The following EIF4G3 variants were observed in gnomAD, a reference collection of about 807,000 sequenced individuals.
EIF4G3 encodes the protein eIF-4-gamma 3.
Under a neutral mutation model 186.4 loss-of-function variants are expected in EIF4G3, and 34 were observed. The observed-to-expected ratio is 0.18, with a 90% CI of 0.14 to 0.24. The LOEUF is 0.24. Ranked by LOEUF, EIF4G3 falls within the 10% of genes least tolerant of loss-of-function variation. EIF4G3 has a pLI of 1.00. For missense variants in EIF4G3, 1,536 were observed against 1,948.5 expected (o/e 0.79, Z 3.99); for synonymous variants, 673 against 679.5 (o/e 0.99, Z 0.15).
Position 20,899,762 on chromosome 1 carries a change from C to T in EIF4G3, c.1934G>A (p.Gly645Glu). The T allele has an allele frequency of 6.2e-7, 1 of 1,614,110 alleles. No homozygotes were observed. The highest frequency in any genetic ancestry group is 8.5e-7 in the Non-Finnish European group (1 of 1,180,000). ...TGTGGAGCCTGAATTAGCATCTATTCCTTCACCCTCAGAAACACTCTCAGC... is the reference window on the plus strand; with the variant it reads ...TGTGGAGCCTGAATTAGCATCTATTTCTTCACCCTCAGAAACACTCTCAGC... The part of the protein sequence containing the change: ...NGAESVSEGE[G>E]IDANSGSTDS... Residue 645 changes from glycine to glutamate, a missense_variant, in exon 16 of 37, where the codon GGA (glycine) becomes GAA (glutamate). This residue lies in a region of EIF4G3 where 560 missense variants were observed against 547.8 expected (regional missense o/e 1.02). Transcript: ENST00000602326.
chr1:20,869,306 ATTTTTTT>A (rs954573350), intron 20 of EIF4G3, among the ~76,000 whole-genome samples: 70 of 97,398 alleles, frequency 7.2e-4, no homozygotes, highest in Middle Eastern at 6.1e-3. Flanking sequence ...TTACTTTAAA[ATTTTTTT>A]TTTTTTTTTT....
At chr1:20,884,566 A>C (rs1228261539) in intron 19 of EIF4G3, among the ~76,000 whole-genome samples, 2 of 152,190 alleles carry the variant, frequency 1.3e-5, no homozygotes, top group African/African-American at 2.4e-5. Context: ...GAGATTGGAG[A>C]GAAGGACAAA....
chr1:20,854,942 C>T, intron 26 of EIF4G3, 36 bp downstream of exon 26: 1 of 1,570,514 alleles, frequency 6.4e-7, no homozygotes, highest in Non-Finnish European at 8.8e-7. Flanking sequence ...TGCTAACAAG[C>T]CACAGCCAGG....
chr1:20,936,288 G>A (rs2154561691), intron 14 of EIF4G3, among the ~76,000 whole-genome samples: 1 of 152,282 alleles, frequency 6.6e-6, no homozygotes, highest in Non-Finnish European at 1.5e-5. Context: ...AAACAAGGTG[G>A]AGAAAACCTT....
rs1396882831 is a variant in EIF4G3, at chr1:20,851,323, A to T, written c.3707T>A (p.Leu1236His). 3 of 1,613,952 alleles carry T rather than the reference A, an allele frequency of 1.9e-6. No individual in the cohort carries two copies. The highest frequency in any genetic ancestry group is 2.5e-6 in the Non-Finnish European group (3 of 1,180,028). The change falls in exon 28 of 37, where the codon CTC becomes CAC. Residue 1236 changes from leucine to histidine, a missense_variant. Coordinates refer to ENST00000602326, the MANE Select transcript of EIF4G3 (RefSeq NM_001391906.1). ...RREMLETVKQ[L>H]TGGVDVERNS... is the part of the protein sequence containing the mutation. ...CCTCTCCACATCCACACCTCCTGTG[A>T]GCTGCTTCACGGTCTCCAGCATCTC...
intron 12 of EIF4G3, among the ~76,000 whole-genome samples, chr1:20,966,965 A>T (rs1398711401): frequency 6.6e-6 from 1 of 152,224 alleles, no homozygotes; most frequent in Admixed American, 6.5e-5. Context: ...TTTATAACTG[A>T]TGTTACACTT....
chr1:21,143,525 T>C (rs1235643647), intron 2 of EIF4G3, among the ~76,000 whole-genome samples: 2 of 152,188 alleles, frequency 1.3e-5, no homozygotes, highest in African/African-American at 2.4e-5. Context: ...CAAGGAGGTG[T>C]GCAACTACAG....
chr1:21,026,788 A>G (rs915441983), intron 4 of EIF4G3, among the ~76,000 whole-genome samples: 20 of 152,034 alleles, frequency 1.3e-4, no homozygotes, highest in African/African-American at 4.8e-4. Flanking sequence ...TGTCTCTACT[A>G]AAAATACAAA....
intron 2 of EIF4G3, among the ~76,000 whole-genome samples, chr1:21,124,289 G>GAA (rs111737648): frequency 0.41 from 59,863 of 146,624 alleles, 12,184 homozygotes; most frequent in Non-Finnish European, 0.44. Context: ...CGGTCTCAAA[G>GAA]AAAAAAAAAA....
chr1:20,875,864 A>G (rs568765908), intron 20 of EIF4G3, among the ~76,000 whole-genome samples: 1 of 152,104 alleles, frequency 6.6e-6, no homozygotes, highest in Non-Finnish European at 1.5e-5. Context: ...GTAAGCCCAG[A>G]TCCTGCCACT....
intron 4 of EIF4G3, among the ~76,000 whole-genome samples, chr1:21,029,120 C>T (rs780100125): frequency 6.6e-6 from 1 of 152,060 alleles, no homozygotes; most frequent in African/African-American, 2.4e-5. Context: ...TAGGTCCAAG[C>T]GATTCTCATG....
chr1:20,932,158 A>G (rs2095340386), intron 14 of EIF4G3, among the ~76,000 whole-genome samples: 1 of 152,120 alleles, frequency 6.6e-6, no homozygotes, highest in African/African-American at 2.4e-5. Flanking sequence ...CAATCTCATG[A>G]GCCAAGCTCT....
intron 2 of EIF4G3, among the ~76,000 whole-genome samples, chr1:21,169,175 G>T (rs115842520): frequency 0.039 from 5,905 of 151,934 alleles, 175 homozygotes; most frequent in South Asian, 0.056. Flanking sequence ...AAGTGGCAAG[G>T]CGCGGTGGCT....
At chr1:20,933,836 T>C (rs1412632561) in intron 14 of EIF4G3, among the ~76,000 whole-genome samples, 2 of 152,164 alleles carry the variant, frequency 1.3e-5, no homozygotes, top group African/African-American at 2.4e-5. Flanking sequence ...TAGTATTGGA[T>C]GTACTGAATT....
At chr1:21,101,528 C>T (rs2101823667) in intron 2 of EIF4G3, among the ~76,000 whole-genome samples, 1 of 135,458 alleles carries the variant, frequency 7.4e-6, no homozygotes, top group East Asian at 2.2e-4. Flanking sequence ...CGAGATTGCA[C>T]CACTACACTC....
chr1:20,813,295 G>A (rs2059622772), intron 34 of EIF4G3, 56 bp from the exon 35 acceptor site: 1 of 1,317,360 alleles, frequency 7.6e-7, no homozygotes, highest in East Asian at 2.4e-5. Context: ...CAGGCACAGA[G>A]GCTCATGCCT....
chr1:21,110,836 G>C (rs180868551), intron 2 of EIF4G3, among the ~76,000 whole-genome samples: 2 of 152,202 alleles, frequency 1.3e-5, no homozygotes, highest in African/African-American at 4.8e-5. Context: ...CAAAGTGCTA[G>C]GATTATAGGC....
intron 14 of EIF4G3, among the ~76,000 whole-genome samples, chr1:20,909,673 C>T (rs2092868880): frequency 6.6e-6 from 1 of 151,530 alleles, no homozygotes; most frequent in Non-Finnish European, 1.5e-5. Context: ...TGTTTTTTTC[C>T]CCCACAAAAC....
At chr1:20,911,752 G>C (rs1481518611) in intron 14 of EIF4G3, among the ~76,000 whole-genome samples, 1 of 151,750 alleles carries the variant, frequency 6.6e-6, no homozygotes, top group Non-Finnish European at 1.5e-5. Flanking sequence ...CAAGTAAGTT[G>C]TAAGAGTTTA....
Sources: gnomAD v4.1 joint callset for allele counts (sites outside exome capture counted in the v4.1 genomes callset) on GRCh38, gnomAD v4.1.1 for gene constraint, gnomAD v4.1.1 regional missense constraint, MANE v1.5 for transcripts, NCBI Gene and HGNC (gene_info 2026-07-23, HGNC 2026-07-21) for gene names.